Variants in EYS observed in about 807,000 individuals in gnomAD.
The protein encoded by EYS is protein eyes shut homolog.
In EYS, 250 loss-of-function variants were observed where a neutral mutation model predicts 282.1. The ratio of observed to expected loss-of-function variants is 0.89; its 90% CI spans 0.80 to 0.98. The LOEUF (loss-of-function observed/expected upper bound fraction) is 0.98, where lower values mean the gene tolerates loss of function less well. Ranked by LOEUF, EYS falls within the 50% of genes least tolerant of loss-of-function variation. The probability of loss-of-function intolerance (pLI) is 0.00; values close to 1 mark genes in which losing one functional copy is unlikely to be tolerated. For synonymous variants in EYS, 1,355 were observed against 1,282.9 expected, an observed-to-expected ratio of 1.06 and a Z score of -1.20; for missense variants, 4,016 against 3,709.0, an observed-to-expected ratio of 1.08 and a Z score of -2.15.
chr6:65,069,823 T>C (rs1773854868), intron 12 of EYS, among the ~76,000 whole-genome samples: 1 of 151,960 alleles, frequency 6.6e-6, no homozygotes, highest in Non-Finnish European at 1.5e-5. Context: ...TCTGAACAGC[T>C]ATTGAAAGGT....
chr6:63,877,200 A>G (rs1445803698), intron 35 of EYS, among the ~76,000 whole-genome samples: 1 of 152,162 alleles, frequency 6.6e-6, no homozygotes. Context: ...GCTTGTCTGT[A>G]AAGTATTTTA....
chr6:65,358,806 T>G (rs1562120286), intron 8 of EYS, among the ~76,000 whole-genome samples: 1 of 151,982 alleles, frequency 6.6e-6, no homozygotes, highest in Middle Eastern at 3.2e-3. Context: ...AAAATTACAT[T>G]AATTGCAGTA....
intron 31 of EYS, among the ~76,000 whole-genome samples, chr6:64,149,473 A>G (rs1774629464): frequency 2.6e-5 from 4 of 152,176 alleles, no homozygotes; most frequent in Admixed American, 2.6e-4. Flanking sequence ...ATTCTCTTAG[A>G]TGGGCACGAA....
intron 13 of EYS, among the ~76,000 whole-genome samples, chr6:65,002,004 A>G (rs1011152742): frequency 6.8e-6 from 1 of 146,840 alleles, no homozygotes; most frequent in African/African-American, 2.4e-5. Context: ...GCATTTTCAT[A>G]TCTTAGAAAA....
intron 26 of EYS, among the ~76,000 whole-genome samples, chr6:64,546,616 T>C: frequency 6.6e-6 from 1 of 152,156 alleles, no homozygotes; most frequent in East Asian, 1.9e-4. Context: ...TTTTGCAATC[T>C]ACTCATCTGA....
intron 22 of EYS, among the ~76,000 whole-genome samples, chr6:64,769,473 C>G (rs1434875145): frequency 6.6e-6 from 1 of 151,858 alleles, no homozygotes; most frequent in South Asian, 2.1e-4. Flanking sequence ...ATTGCTTTCC[C>G]ATTACGCTAT....
chr6:65,276,423 A>AT (rs563283850), intron 12 of EYS, among the ~76,000 whole-genome samples: 157 of 152,186 alleles, frequency 1.0e-3, no homozygotes, highest in South Asian at 1.9e-3. Context: ...GAAAAAAAAA[A>AT]AGATTCCTGA....
rs140521627 is a variant in EYS at position 63,947,002 on chromosome 6, T to C, written c.7055+37381A>G. Among the ~76,000 whole-genome samples the C allele has an allele frequency of 9.4e-3, 1,428 of 152,198 alleles. 8 individuals carry two copies. The highest frequency in any genetic ancestry group is 0.017 in the Middle Eastern group (5 of 294). ...ATTAAAAATAAAAAAATTTAAAAGATATCTGTGGTGGAATACCAAATATGC... is the reference window on the plus strand; with the variant it reads ...ATTAAAAATAAAAAAATTTAAAAGACATCTGTGGTGGAATACCAAATATGC... On this transcript the variant is annotated intron_variant, in intron 35 of 42. Transcript: ENST00000503581.
intron 15 of EYS, among the ~76,000 whole-genome samples, chr6:64,930,279 A>G (rs1039776662): frequency 2.6e-5 from 4 of 152,102 alleles, no homozygotes; most frequent in African/African-American, 9.7e-5. Context: ...TAGCTATACC[A>G]TAAGAGGATG....
chr6:63,726,728 A>G lies in EYS; in HGVS notation c.8072-48T>C. 2.0e-6 allele frequency: 3 copies of G among 1,464,630 alleles called. No homozygotes were observed. The African/African-American group carries it at 4.3e-5, about 21-fold the overall frequency. 90.7% of individuals were successfully genotyped at this position (1,464,630 alleles called of 1,614,324 possible). ...ACTCTGGGAGTTATCTGCTGGATTA[A>G]AAAACATTGCTCATAAATACAATAA... On this transcript the variant is annotated intron_variant, in intron 41 of 42. Transcript: ENST00000503581.
chr6:64,275,230 G>C (rs1274226923), intron 30 of EYS, among the ~76,000 whole-genome samples: 1 of 152,148 alleles, frequency 6.6e-6, no homozygotes, highest in African/African-American at 2.4e-5. Context: ...ATAAGTTTGC[G>C]ATTGGTGCTA....
Position 64,503,799 on chromosome 6 carries a change from C to T in EYS, c.5645-64447G>A, listed in dbSNP as rs574425255. On this transcript the variant is annotated intron_variant, in intron 26 of 42. Transcript: ENST00000503581. ...ACCTAAATATCATCAAATTGTAATC[C>T]CTACATATCAGGGGAGGGGCCTGGT... 2.6e-5 allele frequency among the ~76,000 whole-genome samples: 4 copies of T among 152,172 alleles called. No homozygotes were observed. The South Asian group carries it at 8.3e-4, about 32-fold the overall frequency.
chr6:64,985,935 T>A (rs1164607541), intron 14 of EYS, among the ~76,000 whole-genome samples: 1 of 151,560 alleles, frequency 6.6e-6, no homozygotes, highest in Non-Finnish European at 1.5e-5. Context: ...CTCAGCTGCT[T>A]CTACTTATCA....
chr6:63,814,512 T>G (rs183865235), intron 36 of EYS, among the ~76,000 whole-genome samples: 13 of 152,324 alleles, frequency 8.5e-5, no homozygotes, highest in Admixed American at 7.8e-4. Flanking sequence ...TCTAACTTCT[T>G]TATCCAATCA....
intron 2 of EYS, among the ~76,000 whole-genome samples, chr6:65,625,170 T>A (rs1048156273): frequency 1.1e-4 from 16 of 151,998 alleles, no homozygotes; most frequent in African/African-American, 3.9e-4. Context: ...GGGACCTCAA[T>A]CTCAAAATCA....
In EYS at chr6:63,741,945, G is replaced by T. The variant is rs1447344516; in HGVS notation, c.8072-15265C>A. Reference sequence around the variant, plus strand: ...CTTCACTTTCCGTTCTGCTGGTTTTGGCTTTTCCAAGATCACAATGAGGAT... The same window carrying T: ...CTTCACTTTCCGTTCTGCTGGTTTTTGCTTTTCCAAGATCACAATGAGGAT... On this transcript the variant is annotated intron_variant, in intron 41 of 42. Transcript: ENST00000503581. The T allele has an allele frequency of 7.0e-5, 49 of 702,210 alleles. 1 individual carries two copies. The East Asian group carries it at 1.3e-3, about 18-fold the overall frequency. 43.5% of individuals were successfully genotyped at this position (702,210 alleles called of 1,614,324 possible). A position where few individuals can be genotyped will look rare whatever the true frequency, so the allele number is the denominator to read the frequency against.
chr6:63,811,497 A>G (rs1191704057), intron 36 of EYS, among the ~76,000 whole-genome samples: 1 of 151,974 alleles, frequency 6.6e-6, no homozygotes, highest in African/African-American at 2.4e-5. Context: ...TACCTTAATG[A>G]CTGCTGCTCC....
intron 22 of EYS, among the ~76,000 whole-genome samples, chr6:64,734,686 A>G (rs1280584363): frequency 1.3e-5 from 2 of 152,174 alleles, no homozygotes; most frequent in African/African-American, 4.8e-5. Context: ...CTAAAACTAC[A>G]CTAGAAAGTG....
intron 22 of EYS, among the ~76,000 whole-genome samples, chr6:64,742,940 C>A (rs1772424024): frequency 6.6e-6 from 1 of 152,008 alleles, no homozygotes; most frequent in Non-Finnish European, 1.5e-5. Context: ...AGGTTAACTG[C>A]AAATAAGAAA....
Sources: gnomAD v4.1 joint callset for allele counts (sites outside exome capture counted in the v4.1 genomes callset) on GRCh38, gnomAD v4.1.1 for gene constraint, MANE v1.5 for transcripts, NCBI Gene and HGNC (gene_info 2026-07-23, HGNC 2026-07-21) for gene names.